Variants in MGAT4C observed in about 807,000 individuals in gnomAD.
MGAT4C encodes alpha-1,3-mannosyl-glycoprotein 4-beta-N-acetylglucosaminyltransferase C.
MGAT4C carries 19 observed loss-of-function variants against 40.1 expected under a neutral mutation model. The observed-to-expected ratio is 0.47, with a 90% CI of 0.33 to 0.70. MGAT4C has a LOEUF of 0.70. Ranked by LOEUF, MGAT4C falls within the 30% of genes least tolerant of loss-of-function variation. The pLI, the probability that MGAT4C is intolerant of heterozygous loss-of-function variation, is 0.02. For synonymous variants in MGAT4C, 181 were observed against 187.1 expected, an observed-to-expected ratio of 0.97 and a Z score of 0.27; for missense variants, 491 against 563.2, an observed-to-expected ratio of 0.87 and a Z score of 1.30.
chr12:86,321,826 G>C (rs568342549), intron 4 of MGAT4C, among the ~76,000 whole-genome samples: 1 of 152,112 alleles, frequency 6.6e-6, no homozygotes, highest in Admixed American at 6.5e-5. Flanking sequence ...GATTCCTCAG[G>C]GATCTAGAAC....
At chr12:86,329,223 A>G (rs1331029663) in intron 4 of MGAT4C, among the ~76,000 whole-genome samples, 1 of 152,116 alleles carries the variant, frequency 6.6e-6, no homozygotes, top group East Asian at 1.9e-4. Context: ...ACCTTGTTCC[A>G]AAACTTGCTC....
At chr12:86,382,965 T>TG (rs1955972134) in intron 3 of MGAT4C, among the ~76,000 whole-genome samples, 1 of 152,204 alleles carries the variant, frequency 6.6e-6, no homozygotes, top group African/African-American at 2.4e-5. Flanking sequence ...AAGAGAAATG[T>TG]GGGGTCAGAA....
At chr12:86,565,942 T>C (rs1337173894) in intron 2 of MGAT4C, among the ~76,000 whole-genome samples, 1 of 152,142 alleles carries the variant, frequency 6.6e-6, no homozygotes. Context: ...AAGGCTGACC[T>C]GGCTACAGCT....
chr12:86,068,925 T>C (rs7297908), intron 1 of MGAT4C, among the ~76,000 whole-genome samples: 17,445 of 151,922 alleles, frequency 0.11, 1,500 homozygotes, highest in African/African-American at 0.24. Flanking sequence ...TCTGTAAGAG[T>C]TGGTTGATAA....
At chr12:86,755,638 CCTT>C (rs941171193) in intron 1 of MGAT4C, among the ~76,000 whole-genome samples, 1 of 147,286 alleles carries the variant, frequency 6.8e-6, no homozygotes, top group Non-Finnish European at 1.5e-5. Context: ...TTCCTTCCTT[CCTT>C]CTTTCCTACC....
At chr12:86,773,092 G>A (rs564757008) in intron 1 of MGAT4C, among the ~76,000 whole-genome samples, 5 of 152,044 alleles carry the variant, frequency 3.3e-5, no homozygotes, top group Non-Finnish European at 7.4e-5. Flanking sequence ...TTCATATATT[G>A]CAGGCTTAAT....
At chr12:86,387,130 C>T (rs1201917160) in intron 3 of MGAT4C, among the ~76,000 whole-genome samples, 1 of 152,068 alleles carries the variant, frequency 6.6e-6, no homozygotes, top group African/African-American at 2.4e-5. Context: ...CAGACTCCTC[C>T]AAATACAAAG....
intron 1 of MGAT4C, among the ~76,000 whole-genome samples, chr12:86,076,269 TCCACCTGAGACCACCTCAG>T (rs1157363845): frequency 3.3e-5 from 5 of 152,166 alleles, no homozygotes; most frequent in Admixed American, 6.5e-5. Context: ...GTTCCTCATC[TCCACCTGAGACCACCTCAG>T]CCTGGATCTT....
intron 1 of MGAT4C, among the ~76,000 whole-genome samples, chr12:86,795,601 GGAGAGAGAGAGAGAAA>G (rs1029035568): frequency 6.6e-6 from 1 of 151,130 alleles, no homozygotes; most frequent in Non-Finnish European, 1.5e-5. Flanking sequence ...GACAGAGAAA[GGAGAGAGAGAGAGAAA>G]GAGAGAGAGA....
intron 4 of MGAT4C, among the ~76,000 whole-genome samples, chr12:86,294,314 C>T (rs1953605654): frequency 6.6e-6 from 1 of 151,828 alleles, no homozygotes; most frequent in Non-Finnish European, 1.5e-5. Context: ...ATCTTCCTAG[C>T]TTTCGTCTAT....
intron 3 of MGAT4C, among the ~76,000 whole-genome samples, chr12:86,337,578 T>C (rs1322875842): frequency 7.1e-6 from 1 of 140,398 alleles, no homozygotes; most frequent in African/African-American, 2.8e-5. Flanking sequence ...AGGAATGAAA[T>C]CTTGTCTCAA....
intron 1 of MGAT4C, among the ~76,000 whole-genome samples, chr12:86,834,268 A>G (rs1182868066): frequency 6.6e-6 from 1 of 151,838 alleles, no homozygotes; most frequent in Non-Finnish European, 1.5e-5. Flanking sequence ...AAAATGCCTC[A>G]GGGAATTAGT....
intron 2 of MGAT4C, among the ~76,000 whole-genome samples, chr12:86,607,933 C>T (rs1300691832): frequency 6.6e-6 from 1 of 152,066 alleles, no homozygotes; most frequent in Non-Finnish European, 1.5e-5. Context: ...TTGATTGAGA[C>T]AGGAATTCAC....
chr12:86,306,401 G>T (rs1267128804), intron 4 of MGAT4C, among the ~76,000 whole-genome samples: 1 of 150,382 alleles, frequency 6.6e-6, no homozygotes, highest in African/African-American at 2.5e-5. Flanking sequence ...CAATAACATG[G>T]ATTAGTCTCA....
intron 4 of MGAT4C, among the ~76,000 whole-genome samples, chr12:86,323,089 T>C (rs1954435397): frequency 6.6e-6 from 1 of 151,518 alleles, no homozygotes; most frequent in South Asian, 2.1e-4. Flanking sequence ...TTACAGGAAT[T>C]TGAAAGATCT....
chr12:85,963,933 G>C lies in MGAT4C; in HGVS notation c.*15356C>G, dbSNP rs921323916. The C allele has an allele frequency of 6.6e-6, 1 of 151,876 alleles. No homozygotes were observed. 9.4% of individuals were successfully genotyped at this position (151,876 alleles called of 1,614,324 possible). On this transcript the variant is annotated 3_prime_UTR_variant, in exon 5 of 5. Coordinates refer to ENST00000611864, the MANE Select transcript of MGAT4C (RefSeq NM_001351288.2). ...ACAGGATACTTCAAGAGTAAAATGGGAAAAAATCATATTGGGTAAATAGTA... is the reference window on the plus strand; with the variant it reads ...ACAGGATACTTCAAGAGTAAAATGGCAAAAAATCATATTGGGTAAATAGTA...
intron 2 of MGAT4C, among the ~76,000 whole-genome samples, chr12:86,689,204 A>G (rs1593117534): frequency 6.6e-6 from 1 of 152,254 alleles, no homozygotes; most frequent in South Asian, 2.1e-4. Context: ...AGTCATTTAT[A>G]TTCTTCTGTA....
chr12:86,287,941 G>T (rs2136124847), intron 4 of MGAT4C, among the ~76,000 whole-genome samples: 1 of 152,240 alleles, frequency 6.6e-6, no homozygotes, highest in African/African-American at 2.4e-5. Context: ...TTCCACAATG[G>T]TTGAACTAAT....
chr12:86,488,143 G>A (rs1958057252), intron 2 of MGAT4C, among the ~76,000 whole-genome samples: 1 of 151,878 alleles, frequency 6.6e-6, no homozygotes, highest in Non-Finnish European at 1.5e-5. Flanking sequence ...CAACACCTTT[G>A]GGAGGCTGAA....
Sources: gnomAD v4.1 joint callset for allele counts (sites outside exome capture counted in the v4.1 genomes callset) on GRCh38, gnomAD v4.1.1 for gene constraint, MANE v1.5 for transcripts, NCBI Gene and HGNC (gene_info 2026-07-23, HGNC 2026-07-21) for gene names.